STAU1: variants seen among roughly 807,000 people sequenced by gnomAD.
The protein encoded by STAU1 is staufen double-stranded RNA binding protein 1.
STAU1 carries 13 observed loss-of-function variants against 62.9 expected under a neutral mutation model. The ratio of observed to expected loss-of-function variants is 0.21; its 90% CI spans 0.13 to 0.33. STAU1 has a LOEUF of 0.33. STAU1 is among the 10% of genes least tolerant of loss of function. The pLI, the probability that STAU1 is intolerant of heterozygous loss-of-function variation, is 1.00. For synonymous variants in STAU1, 269 were observed against 265.1 expected, an observed-to-expected ratio of 1.01 and a Z score of -0.14; for missense variants, 571 against 712.1, an observed-to-expected ratio of 0.80 and a Z score of 2.25.
At chr20:49,215,472 C>A in the STAU1 span, among the ~76,000 whole-genome samples, 17 of 152,246 alleles carry the variant, frequency 1.1e-4, no homozygotes, top group South Asian at 2.1e-4. Context: ...GAAACTTACA[C>A]TTTAGATTCA....
At chr20:49,198,180 A>G in the STAU1 span, among the ~76,000 whole-genome samples, 34 of 152,324 alleles carry the variant, frequency 2.2e-4, 1 homozygote, top group African/African-American at 8.2e-4. Flanking sequence ...ATACATACAC[A>G]TGGGATATAC....
At chr20:49,157,207 A>G (rs960558100) in intron 3 of STAU1, among the ~76,000 whole-genome samples, 1 of 152,124 alleles carries the variant, frequency 6.6e-6, no homozygotes, top group Non-Finnish European at 1.5e-5. Context: ...CTTCTCATGA[A>G]AGATATTTTG....
Position 49,117,841 on chromosome 20 carries a change from G to T in STAU1, c.1445C>A (p.Pro482His), listed in dbSNP as rs751413183. The T allele has an allele frequency of 5.0e-6, 8 of 1,614,154 alleles. No individual in the cohort carries two copies. In the South Asian group the frequency reaches 8.8e-5, roughly 18 times the overall value. ...AGAGGGTCTCGTGAGAGGTCCATGG[G>T]GTACGTGGCCTGAAGAGATGTTATT... The part of the protein sequence containing the change: ...LKNNISSGHV[P>H]HGPLTRPSEQ... Residue 482 changes from proline (P) to histidine (H), a missense_variant, in exon 11 of 14, where the codon CCC (proline) becomes CAC (histidine). By Grantham distance (77) the Pro-to-His change is moderately conservative. Coordinates refer to ENST00000371856, the MANE Select transcript of STAU1 (RefSeq NM_017453.4). The surrounding 1 kb of genome is among the most constrained non-coding windows in gnomAD (Gnocchi z 4.6).
intron 2 of STAU1, among the ~76,000 whole-genome samples, chr20:49,172,064 C>CT (rs1287473644): frequency 6.6e-6 from 1 of 152,196 alleles, no homozygotes; most frequent in African/African-American, 2.4e-5. Context: ...TGTTCAGGAT[C>CT]TTTGCACTTG....
At chr20:49,196,392 G>A in the STAU1 span, among the ~76,000 whole-genome samples, 3 of 137,856 alleles carry the variant, frequency 2.2e-5, no homozygotes, top group African/African-American at 8.3e-5. Context: ...AACTGAGATC[G>A]CGCCACTGCA....
chr20:49,134,736 A>G, intron 6 of STAU1: 1 of 1,117,920 alleles, frequency 8.9e-7, no homozygotes, highest in South Asian at 1.2e-5. Flanking sequence ...CAAAAGTGCA[A>G]TTCCAAAAGT....
chr20:49,132,013 C>A (rs1298890510), intron 6 of STAU1, among the ~76,000 whole-genome samples: 1 of 151,720 alleles, frequency 6.6e-6, no homozygotes, highest in Admixed American at 6.6e-5. Context: ...AAAAGTGAGC[C>A]TCCAAAATGG....
chr20:49,119,346 A>G (rs2092410628), intron 9 of STAU1, among the ~76,000 whole-genome samples: 2 of 152,142 alleles, frequency 1.3e-5, no homozygotes, highest in South Asian at 4.2e-4. Flanking sequence ...CCTGGCTGAT[A>G]TTTTAATTTT....
the STAU1 span, among the ~76,000 whole-genome samples, chr20:49,216,007 C>CAAAAAAAAAAAAAAAAAAAAAA: frequency 1.6e-4 from 6 of 36,450 alleles, no homozygotes; most frequent in East Asian, 1.6e-3. Flanking sequence ...GACTATGTCT[C>CAAAAAAAAAAAAAAAAAAAAAA]AAAAAAAAAA....
At chr20:49,217,676 A>AATATATAT in the STAU1 span, among the ~76,000 whole-genome samples, 1,721 of 135,862 alleles carry the variant, frequency 0.013, 18 homozygotes, top group Non-Finnish European at 0.017. Flanking sequence ...TTCCTTTTAA[A>AATATATAT]ATATATATAT....
intron 3 of STAU1, among the ~76,000 whole-genome samples, chr20:49,154,693 A>C (rs905830374): frequency 6.6e-6 from 1 of 151,848 alleles, no homozygotes; most frequent in African/African-American, 2.4e-5. Context: ...GTGAAACCCT[A>C]TCTCTACTAA....
intron 3 of STAU1, among the ~76,000 whole-genome samples, chr20:49,158,097 C>T (rs1203010925): frequency 1.3e-5 from 2 of 151,700 alleles, no homozygotes; most frequent in Non-Finnish European, 2.9e-5. Flanking sequence ...GCCTGGCCAA[C>T]ATGGTGAGAC....
At chr20:49,190,247 C>A (rs1466692351), upstream of STAU1, among the ~76,000 whole-genome samples, 1 of 152,066 alleles carries the variant, frequency 6.6e-6, no homozygotes, top group Non-Finnish European at 1.5e-5. Flanking sequence ...TCTATGACTT[C>A]CAGTCTCAAT....
the STAU1 span, among the ~76,000 whole-genome samples, chr20:49,204,766 A>G: frequency 7.5e-5 from 11 of 147,240 alleles, no homozygotes; most frequent in Non-Finnish European, 1.6e-4. Context: ...CTCCTGCCTC[A>G]GCCTCCTGAG....
At chr20:49,208,365 A>G in the STAU1 span, among the ~76,000 whole-genome samples, 1 of 151,400 alleles carries the variant, frequency 6.6e-6, no homozygotes, top group African/African-American at 2.4e-5. Context: ...GCCTATATAT[A>G]TATTTTTTTG....
At chr20:49,128,351 T>C (rs2092677998) in intron 6 of STAU1, among the ~76,000 whole-genome samples, 1 of 152,100 alleles carries the variant, frequency 6.6e-6, no homozygotes, top group African/African-American at 2.4e-5. Context: ...AAACTTGTTA[T>C]TTCAAAATAT....
chr20:49,208,681 G>A, the STAU1 span, among the ~76,000 whole-genome samples: 3 of 150,888 alleles, frequency 2.0e-5, no homozygotes, highest in Non-Finnish European at 2.9e-5. Flanking sequence ...GTACAGTGGC[G>A]TGATCTCGGC....
chr20:49,123,721 CACTCTGCT>C (rs1165012665), intron 7 of STAU1, among the ~76,000 whole-genome samples: 1 of 152,208 alleles, frequency 6.6e-6, no homozygotes, highest in East Asian at 1.9e-4. Context: ...AAGGAACCCT[CACTCTGCT>C]GATCAGAAGT....
intron 5 of STAU1, among the ~76,000 whole-genome samples, chr20:49,140,982 T>TAA (rs35880692): frequency 8.4e-5 from 11 of 131,570 alleles, no homozygotes; most frequent in South Asian, 7.4e-4. Flanking sequence ...ATGATCTGTT[T>TAA]AAAAAAAAAA....
Sources: gnomAD v4.1 joint callset for allele counts (sites outside exome capture counted in the v4.1 genomes callset) on GRCh38, gnomAD v4.1.1 for gene constraint, Gnocchi (gnomAD v3.1) non-coding constraint, MANE v1.5 for transcripts, NCBI Gene and HGNC (gene_info 2026-07-23, HGNC 2026-07-21) for gene names.